Variants in CCNY observed in about 807,000 individuals in gnomAD.
The protein encoded by CCNY is cyclin Y.
Under a neutral mutation model 42.8 loss-of-function variants are expected in CCNY, and 19 were observed. The observed-to-expected ratio is 0.44, with a 90% confidence interval of 0.31 to 0.65. The LOEUF is 0.65. Among genes scored for constraint, CCNY ranks in the 30% least tolerant of loss-of-function variants. The pLI is 0.07. For synonymous variants in CCNY, 165 were observed against 162.7 expected (o/e 1.01, Z -0.11); for missense variants, 370 against 437.3 (o/e 0.85, Z 1.37).
chr10:35,297,245 A>G (rs574257731), intron 3 of CCNY, among the ~76,000 whole-genome samples: 2 of 152,336 alleles, frequency 1.3e-5, no homozygotes, highest in East Asian at 3.9e-4. Context: ...AAACAGAACT[A>G]AAAACAAAAA....
intron 3 of CCNY, among the ~76,000 whole-genome samples, chr10:35,280,778 C>T (rs190107351): frequency 6.6e-6 from 1 of 152,224 alleles, no homozygotes; most frequent in East Asian, 1.9e-4. Context: ...AACATTTACA[C>T]TTCAAAATAC....
intron 1 of CCNY, among the ~76,000 whole-genome samples, chr10:35,405,134 G>T (rs948638177): frequency 6.6e-6 from 1 of 152,188 alleles, no homozygotes; most frequent in East Asian, 1.9e-4. Context: ...TAAAAGCCTT[G>T]TCTGGTTTTT....
In CCNY at chr10:35,345,691, G is replaced by A. The variant is rs544522107; in HGVS notation, c.154+8484G>A. 3.9e-5 allele frequency among the ~76,000 whole-genome samples: 6 copies of A among 152,284 alleles called. No homozygotes were observed. In the East Asian group the frequency reaches 1.2e-3, roughly 29 times the overall value. ...GTTGGAGAAGCTGGAAGCCTAAAGAGCTTATCCTAACAAAGACATCAAAGC... is the reference window on the plus strand; with the variant it reads ...GTTGGAGAAGCTGGAAGCCTAAAGAACTTATCCTAACAAAGACATCAAAGC... On this transcript the variant is annotated intron_variant, in intron 1 of 9. Transcript: ENST00000374704.
At chr10:35,531,206 T>G (rs1014118030) in intron 7 of CCNY, among the ~76,000 whole-genome samples, 3 of 152,260 alleles carry the variant, frequency 2.0e-5, no homozygotes, top group African/African-American at 7.2e-5. Flanking sequence ...GATGAGAAAT[T>G]AGCTTTGCCT....
At chr10:35,269,269 A>ACTTCCTTC (rs68028146) in intron 3 of CCNY, among the ~76,000 whole-genome samples, 2,255 of 149,546 alleles carry the variant, frequency 0.015, 22 homozygotes, top group East Asian at 0.053. Flanking sequence ...CAAATAATCT[A>ACTTCCTTC]CTTCCTTCCT....
At chr10:35,439,208 T>A (rs77069547) in intron 1 of CCNY, among the ~76,000 whole-genome samples, 1,539 of 152,336 alleles carry the variant, frequency 0.01, 14 homozygotes, top group Non-Finnish European at 0.015. Context: ...CTGCCCGCTG[T>A]CTTTTCTCCC....
intron 1 of CCNY, among the ~76,000 whole-genome samples, chr10:35,471,252 G>A (rs1839386093): frequency 6.6e-6 from 1 of 152,164 alleles, no homozygotes; most frequent in Admixed American, 6.5e-5. Context: ...AAAGGGGGAT[G>A]CGAGGGGCTT....
At chr10:35,517,994 A>G (rs954842922) in intron 4 of CCNY, among the ~76,000 whole-genome samples, 1 of 152,242 alleles carries the variant, frequency 6.6e-6, no homozygotes, top group African/African-American at 2.4e-5. Context: ...AGCCCAGAAC[A>G]GAAGCTGCTA....
chr10:35,396,415 G>C (rs1258966119), intron 1 of CCNY, among the ~76,000 whole-genome samples: 1 of 152,180 alleles, frequency 6.6e-6, no homozygotes, highest in Admixed American at 6.5e-5. Context: ...AAGAAGGTGG[G>C]GTGGGGGGCA....
At chr10:35,427,430 A>G (rs977686018) in intron 1 of CCNY, among the ~76,000 whole-genome samples, 3 of 152,224 alleles carry the variant, frequency 2.0e-5, no homozygotes, top group Non-Finnish European at 4.4e-5. Flanking sequence ...ATATGCAGCC[A>G]GGTTGAGTGG....
At chr10:35,471,796 T>A (rs949504880) in intron 1 of CCNY, among the ~76,000 whole-genome samples, 1 of 152,228 alleles carries the variant, frequency 6.6e-6, no homozygotes, top group African/African-American at 2.4e-5. Flanking sequence ...GCTAAGACTC[T>A]GCTTCCTAAA....
intron 3 of CCNY, among the ~76,000 whole-genome samples, chr10:35,322,190 C>T (rs1835829272): frequency 6.6e-6 from 1 of 152,014 alleles, no homozygotes; most frequent in African/African-American, 2.4e-5. Context: ...CCTGTCTCTA[C>T]TAAAAATACA....
intron 1 of CCNY, among the ~76,000 whole-genome samples, chr10:35,426,107 A>ATG (rs1838261402): frequency 1.6e-5 from 1 of 63,346 alleles, no homozygotes; most frequent in Admixed American, 1.7e-4. Flanking sequence ...CTGGTCCAGC[A>ATG]CGCGCACACA....
chr10:35,364,509 TGTG>T (rs1836768348), intron 1 of CCNY, among the ~76,000 whole-genome samples: 1 of 152,234 alleles, frequency 6.6e-6, no homozygotes, highest in South Asian at 2.1e-4. Context: ...AAAATAGTGT[TGTG>T]GTGGGGGCAC....
chr10:35,325,537 T>C (rs1835870724), intron 3 of CCNY, among the ~76,000 whole-genome samples: 1 of 148,390 alleles, frequency 6.7e-6, no homozygotes. Flanking sequence ...TGGAGTGCAA[T>C]GGCGTGATCT....
At chr10:35,286,294 G>A (rs1835353811) in intron 3 of CCNY, among the ~76,000 whole-genome samples, 1 of 150,762 alleles carries the variant, frequency 6.6e-6, no homozygotes, top group African/African-American at 2.4e-5. Context: ...TTTATTTAGT[G>A]GTAACTCTAG....
intron 7 of CCNY, among the ~76,000 whole-genome samples, chr10:35,532,008 A>C (rs1239339498): frequency 6.6e-6 from 1 of 152,198 alleles, no homozygotes; most frequent in East Asian, 1.9e-4. Flanking sequence ...TGAAATCTTC[A>C]TTTGTCCTAT....
At chr10:35,519,776 C>CTTTTCTTT (rs1840507669) in intron 4 of CCNY, among the ~76,000 whole-genome samples, 4 of 74,660 alleles carry the variant, frequency 5.4e-5, no homozygotes, top group Admixed American at 1.9e-4. Flanking sequence ...CTTTTCTTTT[C>CTTTTCTTT]TTTTTTTTTT....
chr10:35,341,327 A>G (rs537768919), intron 1 of CCNY, among the ~76,000 whole-genome samples: 1 of 152,320 alleles, frequency 6.6e-6, no homozygotes, highest in Non-Finnish European at 1.5e-5. Context: ...CCTTGGTTCA[A>G]GCCTGACCTT....
Sources: allele counts gnomAD v4.1 joint callset (sites outside exome capture counted in the v4.1 genomes callset), GRCh38; gene constraint gnomAD v4.1.1; transcripts MANE v1.5; gene names NCBI Gene and HGNC (gene_info 2026-07-23, HGNC 2026-07-21).